Variants in ADAM12 observed in about 807,000 individuals in gnomAD.
The protein encoded by ADAM12 is disintegrin and metalloproteinase domain-containing protein 12.
ADAM12 carries 70 observed loss-of-function variants against 106.4 expected under a neutral mutation model. The ratio of observed to expected loss-of-function variants is 0.66; its 90% CI spans 0.54 to 0.80. The LOEUF (loss-of-function observed/expected upper bound fraction) is 0.80, where lower values mean the gene tolerates loss of function less well. ADAM12 is among the 30% of genes least tolerant of loss of function. ADAM12 has a pLI of 0.00. For synonymous variants in ADAM12, 420 were observed against 433.5 expected (o/e 0.97, Z 0.39); for missense variants, 1,010 against 1,171.9 (o/e 0.86, Z 2.02).
intron 1 of ADAM12, among the ~76,000 whole-genome samples, chr10:126,371,696 A>C (rs1277909693): frequency 6.6e-6 from 1 of 152,204 alleles, no homozygotes; most frequent in African/African-American, 2.4e-5. Context: ...TGTCTGCTTC[A>C]CCCACAAATG....
intron 21 of ADAM12, among the ~76,000 whole-genome samples, chr10:126,020,617 T>C (rs1214794577): frequency 6.6e-6 from 1 of 152,152 alleles, no homozygotes; most frequent in Non-Finnish European, 1.5e-5. Context: ...AAATAATGCA[T>C]AGGAAGTTCC....
At position 126,086,680 on chromosome 10, in the gene ADAM12, A is replaced by AATATATATAT. The variant is rs1210379675; in HGVS notation, c.1145+7295_1145+7304dup. On this transcript the variant is annotated intron_variant, in intron 11 of 22. Coordinates refer to ENST00000448723, the MANE Select transcript of ADAM12 (RefSeq NM_001288973.2). ...AAAAAAAAAAAAAAAAAAAAAAAAA[A>AATATATATAT]ATATATATATATATATATATATATA... 6.8e-3 allele frequency among the ~76,000 whole-genome samples: 163 copies of AATATATATAT among 24,098 alleles called. 1 individual carries two copies. The highest frequency in any genetic ancestry group is 0.019 in the South Asian group (6 of 310). 15.8% of individuals were successfully genotyped at this position (24,098 alleles called of 152,430 possible).
rs10901569 is a variant in ADAM12, at chr10:126,241,962, C to CTTTTTT, written c.260+36947_260+36952dup. The stretch of plus-strand genomic sequence containing the variant: ...GTGGGGTACACTTTGTAAAACAGAG[C>CTTTTTT]TTTTTTTTTTTTTTTAACACATCAA... On this transcript the variant is annotated intron_variant, in intron 3 of 22. Coordinates refer to ENST00000448723, the MANE Select transcript of ADAM12 (RefSeq NM_001288973.2). 2.9e-5 allele frequency among the ~76,000 whole-genome samples: 4 copies of CTTTTTT among 140,092 alleles called. No individual in the cohort carries two copies. In the East Asian group the frequency reaches 8.3e-4, roughly 29 times the overall value. 91.9% of individuals were successfully genotyped at this position (140,092 alleles called of 152,430 possible). A position where few individuals can be genotyped will look rare whatever the true frequency, so the allele number is the denominator to read the frequency against.
In ADAM12 at chr10:126,330,507, C is replaced by T. The variant is rs2133851172; in HGVS notation, c.91G>A (p.Val31Met). ...GCTCTTCCTTGGTTCCATAAGCTCA[C>T]CCCTGAATCAAAAGGAAAACAGCCC... is the stretch of plus-strand genomic sequence containing the variant. ...ALLAPCEARG[V>M]SLWNQGRADE... The change falls in exon 2 of 23, where the codon GTG becomes ATG. Residue 31 changes from valine (V) to methionine (M), a missense_variant and splice_region_variant. Physicochemically the swap from Val to Met is conservative, Grantham distance 21. Transcript: ENST00000448723. 2 of 1,612,820 alleles carry T rather than the reference C, an allele frequency of 1.2e-6. No individual in the cohort carries two copies. The highest frequency in any genetic ancestry group is 1.1e-5 in the South Asian group (1 of 90,866).
intron 2 of ADAM12, among the ~76,000 whole-genome samples, chr10:126,295,914 C>CAT (rs1211384656): frequency 6.7e-6 from 1 of 150,298 alleles, no homozygotes; most frequent in African/African-American, 2.5e-5. Context: ...CACACAAACA[C>CAT]ACACACACAC....
chr10:126,057,712 A>G (rs1331332034), intron 14 of ADAM12, among the ~76,000 whole-genome samples: 1 of 152,126 alleles, frequency 6.6e-6, no homozygotes. Flanking sequence ...AGAACCACAC[A>G]CTGGCCACAC....
Position 126,043,015 on chromosome 10 carries a change from A to T in ADAM12, c.2104+25T>A, listed in dbSNP as rs1426812507. 3.1e-6 allele frequency: 5 copies of T among 1,610,070 alleles called. No homozygotes were observed. Among genetic ancestry groups the T allele is most frequent in the Non-Finnish European group, 4.2e-6 (5 of 1,177,806 alleles). On this transcript the variant is annotated intron_variant, in intron 18 of 22. Transcript: ENST00000448723. This position sits in a 1 kb window ranked among gnomAD's most constrained non-coding sequence, Gnocchi z 4.1. ...GCCCCCAGGTGCTCAGCCTCCTCCC[A>T]CCGGGATGCAGGGGCTTCACTGACC...
chr10:126,250,086 C>T (rs1325419123), intron 3 of ADAM12, among the ~76,000 whole-genome samples: 2 of 152,136 alleles, frequency 1.3e-5, no homozygotes, highest in Non-Finnish European at 2.9e-5. Context: ...AGCAAGACTC[C>T]AACCCATCCG....
At chr10:126,383,624 A>G (rs1270128417) in intron 1 of ADAM12, among the ~76,000 whole-genome samples, 3 of 152,108 alleles carry the variant, frequency 2.0e-5, no homozygotes, top group Non-Finnish European at 4.4e-5. Context: ...AAAAGACTAC[A>G]TTTAAAGGTT....
At position 126,121,130 on chromosome 10, in the gene ADAM12, A is replaced by AGTATATATAGTATATATAGT. The variant is rs369707256; in HGVS notation, c.417-2907_417-2906insACTATATATACTATATATAC. On this transcript the variant is annotated intron_variant, in intron 5 of 22. Coordinates refer to ENST00000448723, the MANE Select transcript of ADAM12 (RefSeq NM_001288973.2). ...TATATAGTATATATATAGTATATAT[A>AGTATATATAGTATATATAGT]CTATATACTATATATACTATATATA... Among the ~76,000 whole-genome samples, 9 of 75,600 alleles carry AGTATATATAGTATATATAGT rather than the reference A, an allele frequency of 1.2e-4. 1 individual carries two copies. The East Asian group carries it at 1.6e-3, about 13-fold the overall frequency. 49.6% of individuals were successfully genotyped at this position (75,600 alleles called of 152,430 possible).
chr10:126,312,197 G>A (rs1173172024), intron 2 of ADAM12, among the ~76,000 whole-genome samples: 4 of 151,498 alleles, frequency 2.6e-5, no homozygotes, highest in African/African-American at 4.9e-5. Flanking sequence ...TCAAGACCAC[G>A]GTTTGCATTT....
chr10:126,096,315 T>C (rs3758419), intron 10 of ADAM12, among the ~76,000 whole-genome samples: 91,781 of 152,112 alleles, frequency 0.6, 30,243 homozygotes, highest in Non-Finnish European at 0.75. Context: ...CATTCTTTCA[T>C]GCATCAATGA....
At chr10:126,035,409 T>G (rs1351761419) in intron 21 of ADAM12, among the ~76,000 whole-genome samples, 2 of 152,190 alleles carry the variant, frequency 1.3e-5, no homozygotes, top group Non-Finnish European at 2.9e-5. Context: ...TATAGTGTTA[T>G]TATTAAATAG....
intron 3 of ADAM12, among the ~76,000 whole-genome samples, chr10:126,166,182 TGA>T: frequency 6.6e-6 from 1 of 152,244 alleles, no homozygotes; most frequent in East Asian, 1.9e-4. Context: ...TGTGACACAC[TGA>T]GACATGCTGT....
chr10:126,072,037 G>GCATT (rs1416941695), intron 11 of ADAM12, among the ~76,000 whole-genome samples: 1 of 152,170 alleles, frequency 6.6e-6, no homozygotes, highest in African/African-American at 2.4e-5. Flanking sequence ...ACATAACAAT[G>GCATT]TCCTTATTGG....
chr10:126,019,736 G>C lies in ADAM12; in HGVS notation c.2619C>G (p.Thr873=). 5 of 1,614,148 alleles carry C rather than the reference G, an allele frequency of 3.1e-6. No individual in the cohort carries two copies. Among genetic ancestry groups the C allele is most frequent in the Non-Finnish European group, 4.2e-6 (5 of 1,180,010 alleles). The change falls in exon 22 of 23, where the codon ACC becomes ACG. Residue 873 remains threonine (T), a synonymous_variant. Transcript: ENST00000448723. Reference sequence around the variant, plus strand: ...GGAGCCCAGTCTCCCATTGTCCTGGGGTCCTGGCCAAGGCATGAGTGAGCC... The same window carrying C: ...GGAGCCCAGTCTCCCATTGTCCTGGCGTCCTGGCCAAGGCATGAGTGAGCC... The part of the protein sequence containing the change: ...TTRLTHALAR[T]PGQWETGLRL...
At chr10:126,321,626 A>G (rs1028387130) in intron 2 of ADAM12, among the ~76,000 whole-genome samples, 5 of 152,180 alleles carry the variant, frequency 3.3e-5, no homozygotes, top group Admixed American at 6.5e-5. Context: ...GGGATGCAAC[A>G]ATCACATCTT....
At position 126,121,131 on chromosome 10, in the gene ADAM12, C is replaced by CTATATATACTATA. The variant is rs1554971961; in HGVS notation, c.417-2908_417-2907insTATAGTATATATA. ...ATATAGTATATATATAGTATATATA[C>CTATATATACTATA]TATATACTATATATACTATATATAC... On this transcript the variant is annotated intron_variant, in intron 5 of 22. Coordinates refer to ENST00000448723, the MANE Select transcript of ADAM12 (RefSeq NM_001288973.2). 1.1e-4 allele frequency among the ~76,000 whole-genome samples: 9 copies of CTATATATACTATA among 81,372 alleles called. 1 individual carries two copies. Among genetic ancestry groups the CTATATATACTATA allele is most frequent in the Admixed American group, 4.1e-4 (2 of 4,916 alleles). 53.4% of individuals were successfully genotyped at this position (81,372 alleles called of 152,430 possible).
intron 16 of ADAM12, among the ~76,000 whole-genome samples, chr10:126,047,564 C>T (rs1954360359): frequency 6.6e-6 from 1 of 152,110 alleles, no homozygotes; most frequent in Admixed American, 6.5e-5. Context: ...TGTCCAGATG[C>T]ACCTGGCCCT....
Sources: gnomAD v4.1 joint callset for allele counts (sites outside exome capture counted in the v4.1 genomes callset) on GRCh38, gnomAD v4.1.1 for gene constraint, Gnocchi (gnomAD v3.1) non-coding constraint, MANE v1.5 for transcripts, NCBI Gene and HGNC (gene_info 2026-07-23, HGNC 2026-07-21) for gene names.